Variants in ALCAM observed in about 807,000 individuals in gnomAD.
ALCAM encodes CD166 antigen.
ALCAM carries 30 observed loss-of-function variants against 70.9 expected under a neutral mutation model. That is an observed-to-expected ratio of 0.42 (90% CI 0.32 to 0.57). The LOEUF is 0.57. Ranked by LOEUF, ALCAM falls within the 20% of genes least tolerant of loss-of-function variation. ALCAM has a pLI of 0.11. For synonymous variants in ALCAM, 249 were observed against 242.5 expected (o/e 1.03, Z -0.25); for missense variants, 591 against 695.1 (o/e 0.85, Z 1.68).
chr3:105,517,666 A>G (rs1022129041), intron 1 of ALCAM, among the ~76,000 whole-genome samples: 2 of 152,114 alleles, frequency 1.3e-5, no homozygotes, highest in African/African-American at 4.8e-5. Flanking sequence ...ATTCCTATAA[A>G]ATGTGTTTGC....
intron 1 of ALCAM, among the ~76,000 whole-genome samples, chr3:105,465,464 G>T (rs952094045): frequency 6.6e-6 from 1 of 151,408 alleles, no homozygotes; most frequent in Non-Finnish European, 1.5e-5. Flanking sequence ...TAGAGAAAAA[G>T]AGATAATAGT....
At chr3:105,462,415 T>G (rs1937616433) in intron 1 of ALCAM, among the ~76,000 whole-genome samples, 1 of 151,584 alleles carries the variant, frequency 6.6e-6, no homozygotes, top group African/African-American at 2.4e-5. Flanking sequence ...AGCATTTCAT[T>G]GTATAAAGAA....
intron 14 of ALCAM, among the ~76,000 whole-genome samples, chr3:105,567,917 C>T (rs1467324907): frequency 6.6e-6 from 1 of 151,982 alleles, no homozygotes; most frequent in Non-Finnish European, 1.5e-5. Flanking sequence ...AGTTGCTTTT[C>T]CTAGCAGACA....
intron 1 of ALCAM, among the ~76,000 whole-genome samples, chr3:105,517,217 AGTC>A (rs1939407690): frequency 6.6e-6 from 1 of 152,102 alleles, no homozygotes; most frequent in Admixed American, 6.6e-5. Flanking sequence ...TGAACTTGGG[AGTC>A]AGTATACTCT....
chr3:105,448,590 G>A (rs1448889677), intron 1 of ALCAM, among the ~76,000 whole-genome samples: 3 of 152,142 alleles, frequency 2.0e-5, no homozygotes, highest in Non-Finnish European at 4.4e-5. Flanking sequence ...CTTCTCTCCT[G>A]GAGAGCTTTG....
At chr3:105,406,680 G>T (rs1250530766) in intron 1 of ALCAM, among the ~76,000 whole-genome samples, 4 of 148,010 alleles carry the variant, frequency 2.7e-5, no homozygotes, top group Non-Finnish European at 6.0e-5. Flanking sequence ...CCGAAGAAAA[G>T]AAATAACTAA....
intron 1 of ALCAM, among the ~76,000 whole-genome samples, chr3:105,488,887 A>C (rs1359585642): frequency 6.6e-6 from 1 of 152,236 alleles, no homozygotes. Context: ...ATGCAAGATT[A>C]GATTGAACCT....
chr3:105,367,389 C>T lies in ALCAM; in HGVS notation c.-20C>T, dbSNP rs1270954529. ...TGCGGCGTGGACTCCGTCAGTGGCCCACCAAGAAGGAGGAGGAATATGGAA... is the reference window on the plus strand; with the variant it reads ...TGCGGCGTGGACTCCGTCAGTGGCCTACCAAGAAGGAGGAGGAATATGGAA... On this transcript the variant is annotated 5_prime_UTR_variant, in exon 1 of 16. Coordinates refer to ENST00000306107, the MANE Select transcript of ALCAM (RefSeq NM_001627.4). 2 of 1,613,334 alleles carry T rather than the reference C, an allele frequency of 1.2e-6. No homozygotes were observed. Among genetic ancestry groups the T allele is most frequent in the South Asian group, 1.1e-5 (1 of 91,048 alleles).
At chr3:105,504,864 AC>A (rs1168812298) in intron 1 of ALCAM, among the ~76,000 whole-genome samples, 2 of 152,124 alleles carry the variant, frequency 1.3e-5, no homozygotes, top group Non-Finnish European at 2.9e-5. Flanking sequence ...GTCCCCCTCT[AC>A]CCAGCTCTTC....
At chr3:105,464,469 T>C (rs1937658865) in intron 1 of ALCAM, among the ~76,000 whole-genome samples, 1 of 151,280 alleles carries the variant, frequency 6.6e-6, no homozygotes, top group South Asian at 2.1e-4. Context: ...TGTGTTTGAG[T>C]CAGGAGCCTA....
intron 1 of ALCAM, among the ~76,000 whole-genome samples, chr3:105,503,308 C>T (rs1409354497): frequency 6.6e-6 from 1 of 152,174 alleles, no homozygotes; most frequent in Admixed American, 6.5e-5. Context: ...TGATTTCACA[C>T]ATAGTGTATG....
At chr3:105,477,794 A>T (rs1356166027) in intron 1 of ALCAM, among the ~76,000 whole-genome samples, 4 of 152,018 alleles carry the variant, frequency 2.6e-5, no homozygotes, top group Non-Finnish European at 4.4e-5. Flanking sequence ...TTTTATATGT[A>T]ATATGTTTTA....
chr3:105,380,555 G>A lies in ALCAM; in HGVS notation c.73+13074G>A, dbSNP rs186060184. Among the ~76,000 whole-genome samples, 19 of 151,890 alleles carry A rather than the reference G, an allele frequency of 1.3e-4. No individual in the cohort carries two copies. In the East Asian group the frequency reaches 2.9e-3, roughly 23 times the overall value. On this transcript the variant is annotated intron_variant, in intron 1 of 15. Transcript: ENST00000306107. The stretch of plus-strand genomic sequence containing the variant: ...TGATTTAGAAGAAGAATATGCACGC[G>A]CACTTGTATGTTTGAGTCAGTGTTG...
chr3:105,431,124 C>A (rs558410400), intron 1 of ALCAM, among the ~76,000 whole-genome samples: 7 of 149,196 alleles, frequency 4.7e-5, no homozygotes, highest in African/African-American at 1.5e-4. Flanking sequence ...TGCAAATCCC[C>A]ACTTATATCC....
chr3:105,467,210 T>C (rs1159385708), intron 1 of ALCAM, among the ~76,000 whole-genome samples: 1 of 151,280 alleles, frequency 6.6e-6, no homozygotes, highest in Non-Finnish European at 1.5e-5. Flanking sequence ...TAAGTAAATA[T>C]TAGTTTCTTT....
intron 1 of ALCAM, among the ~76,000 whole-genome samples, chr3:105,373,385 G>T (rs16851097): frequency 0.25 from 38,093 of 151,984 alleles, 5,323 homozygotes; most frequent in Admixed American, 0.44. Context: ...ATATCAACCA[G>T]CACTCCAACA....
intron 1 of ALCAM, among the ~76,000 whole-genome samples, chr3:105,498,056 T>C (rs1288299455): frequency 6.6e-6 from 1 of 150,894 alleles, no homozygotes; most frequent in African/African-American, 2.4e-5. Flanking sequence ...GGGGGGAAAT[T>C]GGACTATCCT....
At chr3:105,478,367 A>C (rs920940926) in intron 1 of ALCAM, among the ~76,000 whole-genome samples, 1 of 152,106 alleles carries the variant, frequency 6.6e-6, no homozygotes, top group African/African-American at 2.4e-5. Flanking sequence ...GAGTTTATTT[A>C]CAGAATTTTA....
At chr3:105,416,340 C>T (rs1227845909) in intron 1 of ALCAM, among the ~76,000 whole-genome samples, 1 of 151,954 alleles carries the variant, frequency 6.6e-6, no homozygotes, top group Non-Finnish European at 1.5e-5. Context: ...ATATAGTTGG[C>T]ATTGCTACAT....
Sources: gnomAD v4.1 joint callset for allele counts (sites outside exome capture counted in the v4.1 genomes callset) on GRCh38, gnomAD v4.1.1 for gene constraint, MANE v1.5 for transcripts, NCBI Gene and HGNC (gene_info 2026-07-23, HGNC 2026-07-21) for gene names.